NRXN3: variants seen among roughly 807,000 people sequenced by gnomAD.
NRXN3 encodes neurexin III.
NRXN3 carries 32 observed loss-of-function variants against 137.6 expected under a neutral mutation model. That is an observed-to-expected ratio of 0.23 (90% CI 0.18 to 0.31). The LOEUF (loss-of-function observed/expected upper bound fraction) is 0.31, where lower values mean the gene tolerates loss of function less well. NRXN3 is among the 10% of genes least tolerant of loss of function. The pLI, the probability that NRXN3 is intolerant of heterozygous loss-of-function variation, is 1.00. For synonymous variants in NRXN3, 798 were observed against 784.5 expected, an observed-to-expected ratio of 1.02 and a Z score of -0.29; for missense variants, 1,574 against 2,062.5, an observed-to-expected ratio of 0.76 and a Z score of 4.59.
In NRXN3 at chr14:79,662,942, G is replaced by A. The variant is rs530694761; in HGVS notation, c.3445-836G>A. On this transcript the variant is annotated intron_variant, in intron 16 of 20. Coordinates refer to ENST00000335750, the MANE Select transcript of NRXN3 (RefSeq NM_001330195.2). ...TTACAACTGAACAGGAGATTTGGGT[G>A]GGGACACATCCACACCATATCACCG... 3.3e-5 allele frequency among the ~76,000 whole-genome samples: 5 copies of A among 152,214 alleles called. No homozygotes were observed. In the East Asian group the frequency reaches 9.7e-4, roughly 30 times the overall value.
chr14:78,609,366 T>A (rs891716249), intron 4 of NRXN3, among the ~76,000 whole-genome samples: 1 of 152,150 alleles, frequency 6.6e-6, no homozygotes, highest in African/African-American at 2.4e-5. Flanking sequence ...TGAAAGATGT[T>A]ATTAATTAAA....
intron 10 of NRXN3, among the ~76,000 whole-genome samples, chr14:78,862,236 T>C (rs2099074280): frequency 7.0e-6 from 1 of 143,690 alleles, no homozygotes; most frequent in African/African-American, 2.9e-5. Context: ...AAGATTGTTA[T>C]AAATAGCAAA....
intron 4 of NRXN3, among the ~76,000 whole-genome samples, chr14:78,368,195 A>G (rs1480169312): frequency 6.6e-6 from 1 of 152,232 alleles, no homozygotes; most frequent in Non-Finnish European, 1.5e-5. Flanking sequence ...AAGATTTTAT[A>G]ATTGAACATG....
intron 8 of NRXN3, among the ~76,000 whole-genome samples, chr14:78,757,912 T>C (rs1174860327): frequency 2.0e-5 from 3 of 152,190 alleles, no homozygotes; most frequent in Non-Finnish European, 2.9e-5. Flanking sequence ...ACTTCCAAAA[T>C]AAAATGTTTA....
intron 3 of NRXN3, among the ~76,000 whole-genome samples, chr14:78,290,212 C>T (rs2075664953): frequency 6.6e-6 from 1 of 152,166 alleles, no homozygotes; most frequent in African/African-American, 2.4e-5. Flanking sequence ...CACTTAAGTG[C>T]CAAAATTTAC....
rs571230196 is a variant in NRXN3 at position 78,843,550 on chromosome 14, CA to C, written c.2275+33207del. ...TAGGCGAAATTCACCCTCACTTGTACAGACGTAATACTAAGCATGCAAAAAG... is the reference window on the plus strand; with the variant it reads ...TAGGCGAAATTCACCCTCACTTGTACGACGTAATACTAAGCATGCAAAAAG... On this transcript the variant is annotated intron_variant, in intron 10 of 20. Transcript: ENST00000335750. Among the ~76,000 whole-genome samples, 252 of 152,212 alleles carry C rather than the reference CA, an allele frequency of 1.7e-3. 1 individual carries two copies. The highest frequency in any genetic ancestry group is 5.4e-3 in the African/African-American group (226 of 41,556).
intron 15 of NRXN3, among the ~76,000 whole-genome samples, chr14:79,030,635 C>CTTTTTTTTTTTTTTTTTTTTTTTTT: frequency 5.5e-5 from 3 of 54,258 alleles, no homozygotes; most frequent in Admixed American, 2.3e-4. Context: ...TTCTCTGTGT[C>CTTTTTTTTTTTTTTTTTTTTTTTTT]TTTTTTTTTT....
rs147338029 is a variant in NRXN3 at position 79,733,729 on chromosome 14, A to AAAAG, written c.4014+35796_4014+35799dup. ...TTTTGATGGAATAATAATCACAGAA[A>AAAAG]AAAGAAAAACCTGTAAGAGAAGACA... On this transcript the variant is annotated intron_variant, in intron 19 of 20. Coordinates refer to ENST00000335750, the MANE Select transcript of NRXN3 (RefSeq NM_001330195.2). 2.1e-3 allele frequency among the ~76,000 whole-genome samples: 324 copies of AAAAG among 152,214 alleles called. 8 individuals are homozygous for AAAAG. In the East Asian group the frequency reaches 0.039, roughly 19 times the overall value.
intron 4 of NRXN3, among the ~76,000 whole-genome samples, chr14:78,549,996 T>C (rs1364029739): frequency 6.6e-6 from 1 of 152,078 alleles, no homozygotes; most frequent in African/African-American, 2.4e-5. Flanking sequence ...CTAAAGACTT[T>C]TCCTAGAGGA....
chr14:79,288,500 T>A (rs1411673215), intron 15 of NRXN3, among the ~76,000 whole-genome samples: 1 of 152,222 alleles, frequency 6.6e-6, no homozygotes, highest in Non-Finnish European at 1.5e-5. Flanking sequence ...GTGACTTCAT[T>A]TAATCCTCAC....
chr14:79,227,777 CCTTCCTTCCCTCCTCCCT>C (rs1568684254), intron 15 of NRXN3, among the ~76,000 whole-genome samples: 20 of 125,754 alleles, frequency 1.6e-4, no homozygotes, highest in Admixed American at 3.6e-4. Flanking sequence ...TTCCTTCCTT[CCTTCCTTCCCTCCTCCCT>C]TCCTCCCTTC....
chr14:78,624,241 A>G (rs1260092076), intron 4 of NRXN3, among the ~76,000 whole-genome samples: 2 of 152,242 alleles, frequency 1.3e-5, no homozygotes, highest in Non-Finnish European at 2.9e-5. Flanking sequence ...GACTTCATGG[A>G]GCATACCCTC....
chr14:79,066,794 G>A (rs1185191112), intron 15 of NRXN3, among the ~76,000 whole-genome samples: 2 of 152,028 alleles, frequency 1.3e-5, no homozygotes, highest in African/African-American at 2.4e-5. Context: ...AGGAATGCTA[G>A]CAATTTTTGC....
chr14:78,388,000 T>C (rs1034475311), intron 4 of NRXN3, among the ~76,000 whole-genome samples: 2 of 152,160 alleles, frequency 1.3e-5, no homozygotes, highest in Admixed American at 6.5e-5. Flanking sequence ...TGTAATTTAC[T>C]CTTAAAGCAG....
At chr14:78,470,335 CT>C (rs2095235561) in intron 4 of NRXN3, among the ~76,000 whole-genome samples, 1 of 152,060 alleles carries the variant, frequency 6.6e-6, no homozygotes. Context: ...GGAATTTTCA[CT>C]TCTTTAAAGG....
intron 20 of NRXN3, among the ~76,000 whole-genome samples, chr14:79,811,103 A>G (rs2099230942): frequency 6.6e-6 from 1 of 152,196 alleles, no homozygotes; most frequent in South Asian, 2.1e-4. Flanking sequence ...TCATTAGTCA[A>G]TGGCTATTCA....
chr14:79,327,727 T>C (rs2091100711), intron 15 of NRXN3, among the ~76,000 whole-genome samples: 1 of 152,236 alleles, frequency 6.6e-6, no homozygotes, highest in African/African-American at 2.4e-5. Flanking sequence ...TTACCTTGTA[T>C]TATATAAATA....
At chr14:78,949,372 T>A (rs373343449) in intron 10 of NRXN3, among the ~76,000 whole-genome samples, 1 of 152,206 alleles carries the variant, frequency 6.6e-6, no homozygotes, top group Non-Finnish European at 1.5e-5. Context: ...CAATCTGTCC[T>A]ATTGCTAAAA....
chr14:78,585,147 G>T (rs909309939), intron 4 of NRXN3, among the ~76,000 whole-genome samples: 15 of 148,960 alleles, frequency 1.0e-4, no homozygotes, highest in African/African-American at 3.2e-4. Context: ...TAAGGGGGGG[G>T]GGTGATTAAT....
Sources: gnomAD v4.1 joint callset for allele counts (sites outside exome capture counted in the v4.1 genomes callset) on GRCh38, gnomAD v4.1.1 for gene constraint, MANE v1.5 for transcripts, NCBI Gene and HGNC (gene_info 2026-07-23, HGNC 2026-07-21) for gene names.